VWA3B: variants seen among roughly 807,000 people sequenced by gnomAD.
The protein encoded by VWA3B is von Willebrand factor A domain-containing protein 3B.
Under a neutral mutation model 158.3 loss-of-function variants are expected in VWA3B, and 138 were observed. The observed-to-expected ratio is 0.87, with a 90% confidence interval of 0.76 to 1.00. VWA3B has a LOEUF of 1.00. Ranked by LOEUF, VWA3B falls within the 50% of genes least tolerant of loss-of-function variation. The pLI is 0.00. For synonymous variants in VWA3B, 596 were observed against 587.3 expected (o/e 1.01, Z -0.21); for missense variants, 1,555 against 1,565.1 (o/e 0.99, Z 0.11).
chr2:98,280,224 G>T (rs1454628338), intron 22 of VWA3B, among the ~76,000 whole-genome samples: 1 of 152,132 alleles, frequency 6.6e-6, no homozygotes, highest in African/African-American at 2.4e-5. Context: ...AGCAATAAGG[G>T]AATATTTCCT....
intron 24 of VWA3B, among the ~76,000 whole-genome samples, chr2:98,298,441 T>TCTATTCTATTCTATTCTATTCTATG (rs1553439678): frequency 2.5e-5 from 3 of 118,512 alleles, no homozygotes; most frequent in African/African-American, 6.0e-5. Flanking sequence ...TCTATTCTAT[T>TCTATTCTATTCTATTCTATTCTATG]CTATGCCATG....
intron 24 of VWA3B, among the ~76,000 whole-genome samples, chr2:98,299,112 G>A (rs1169739096): frequency 6.6e-6 from 1 of 152,168 alleles, no homozygotes; most frequent in Non-Finnish European, 1.5e-5. Flanking sequence ...TAGGTTCCCT[G>A]CCTCAGACCC....
intron 19 of VWA3B, among the ~76,000 whole-genome samples, chr2:98,250,033 T>C (rs981652997): frequency 1.3e-5 from 2 of 152,188 alleles, no homozygotes; most frequent in Non-Finnish European, 2.9e-5. Context: ...ATTAAGGTTT[T>C]CTGAAACAGT....
intron 1 of VWA3B, among the ~76,000 whole-genome samples, chr2:98,088,910 T>C (rs1054990292): frequency 2.0e-5 from 3 of 152,000 alleles, no homozygotes; most frequent in East Asian, 1.9e-4. Context: ...TGTGTTACCA[T>C]GCCCGGCTAA....
chr2:98,236,786 T>C (rs752465990), intron 19 of VWA3B, 56 bp downstream of exon 19: 5 of 1,554,784 alleles, frequency 3.2e-6, no homozygotes, highest in South Asian at 1.2e-5. Flanking sequence ...TCTGCTCAAA[T>C]AAAAAGTAGT....
chr2:98,202,181 C>G (rs1317532229), intron 12 of VWA3B, among the ~76,000 whole-genome samples: 1 of 152,072 alleles, frequency 6.6e-6, no homozygotes, highest in Admixed American at 6.6e-5. Flanking sequence ...AATTCAATTT[C>G]TTTAACAGAT....
In VWA3B at chr2:98,133,941, T is replaced by C; in HGVS notation, c.988+2T>C. 6.2e-7 allele frequency: 1 copy of C among 1,613,526 alleles called. No homozygotes were observed. On this transcript the variant is annotated splice_donor_variant, in intron 7 of 27. Coordinates refer to ENST00000477737, the MANE Select transcript of VWA3B (RefSeq NM_144992.5). LOFTEE classifies it high-confidence loss of function. ...AACTGAAAGGAAAACTCCCTCCAGG[T>C]ACCTGGAATCCAAAAGAAGTGGTGT...
chr2:98,294,203 CAAAAAAA>C (rs751689571), intron 23 of VWA3B, among the ~76,000 whole-genome samples: 204 of 56,274 alleles, frequency 3.6e-3, no homozygotes, highest in African/African-American at 0.017. Flanking sequence ...CACACACACA[CAAAAAAA>C]AAAAAAAAAA....
chr2:98,246,370 TTTTA>T (rs1342948600), intron 19 of VWA3B, among the ~76,000 whole-genome samples: 1 of 151,920 alleles, frequency 6.6e-6, no homozygotes, highest in Non-Finnish European at 1.5e-5. Flanking sequence ...ACATTTTAAT[TTTTA>T]TTTATTTATT....
At chr2:98,209,090 G>C (rs1683270238) in intron 12 of VWA3B, among the ~76,000 whole-genome samples, 1 of 152,102 alleles carries the variant, frequency 6.6e-6, no homozygotes, top group Non-Finnish European at 1.5e-5. Context: ...GCTGTCATTT[G>C]AATTGGTGCT....
rs570943508 is a variant in VWA3B at position 98,143,925 on chromosome 2, T to A, written c.988+9986T>A. ...ACCACTATGCCTGGCTACATTTTTT[T>A]AAATTTTTTGTAGAGACTGGGGTCA... On this transcript the variant is annotated intron_variant, in intron 7 of 27. Transcript: ENST00000477737. Among the ~76,000 whole-genome samples the A allele has an allele frequency of 3.1e-4, 47 of 151,990 alleles. No homozygotes were observed. In the East Asian group the frequency reaches 3.7e-3, roughly 12 times the overall value.
intron 22 of VWA3B, among the ~76,000 whole-genome samples, chr2:98,276,074 C>A (rs1179503634): frequency 2.0e-5 from 3 of 152,150 alleles, no homozygotes; most frequent in Non-Finnish European, 1.5e-5. Flanking sequence ...CGAAAGCCAC[C>A]CTTGTCTGTT....
chr2:98,211,634 A>G (rs972515607), intron 12 of VWA3B, among the ~76,000 whole-genome samples: 1 of 152,198 alleles, frequency 6.6e-6, no homozygotes, highest in Non-Finnish European at 1.5e-5. Context: ...GCAGTAACTG[A>G]GTTAGCATCT....
intron 10 of VWA3B, among the ~76,000 whole-genome samples, chr2:98,188,660 G>A (rs777404336): frequency 4.6e-5 from 7 of 152,116 alleles, no homozygotes; most frequent in African/African-American, 9.7e-5. Flanking sequence ...ATGCTGCTGC[G>A]AATGACAGAA....
At chr2:98,218,651 A>G (rs1224067902) in intron 14 of VWA3B, among the ~76,000 whole-genome samples, 1 of 152,196 alleles carries the variant, frequency 6.6e-6, no homozygotes, top group African/African-American at 2.4e-5. Context: ...CATCCTCCAG[A>G]CTTGGCCTGT....
At chr2:98,318,152 A>C (rs1407444850), downstream of VWA3B, among the ~76,000 whole-genome samples, 1 of 152,230 alleles carries the variant, frequency 6.6e-6, no homozygotes, top group Non-Finnish European at 1.5e-5. Context: ...CCATTGTGGA[A>C]GACTGTGTGG....
intron 21 of VWA3B, among the ~76,000 whole-genome samples, chr2:98,265,042 T>C (rs534912585): frequency 6.6e-6 from 1 of 152,142 alleles, no homozygotes; most frequent in East Asian, 1.9e-4. Context: ...ATTTTTTTAT[T>C]TTTTATTTTT....
intron 12 of VWA3B, among the ~76,000 whole-genome samples, chr2:98,205,700 C>A (rs1682960076): frequency 6.6e-6 from 1 of 152,024 alleles, no homozygotes; most frequent in Admixed American, 6.6e-5. Context: ...TTGGTACATC[C>A]CACAAATTTT....
Position 98,212,064 on chromosome 2 carries a change from T to G in VWA3B, c.1836+36T>G, listed in dbSNP as rs773426337. On this transcript the variant is annotated intron_variant, in intron 13 of 27. Coordinates refer to ENST00000477737, the MANE Select transcript of VWA3B (RefSeq NM_144992.5). ...GAGCTGGGAACAAAGAGGGCCTCACTGATGCTCTGAAAGCAAATGCTGGAA... is the reference window on the plus strand; with the variant it reads ...GAGCTGGGAACAAAGAGGGCCTCACGGATGCTCTGAAAGCAAATGCTGGAA... 22 of 1,585,472 alleles carry G rather than the reference T, an allele frequency of 1.4e-5. No individual in the cohort carries two copies. In the South Asian group the frequency reaches 2.2e-4, roughly 16 times the overall value.
Sources: gnomAD v4.1 joint callset for allele counts (sites outside exome capture counted in the v4.1 genomes callset) on GRCh38, gnomAD v4.1.1 for gene constraint, MANE v1.5 for transcripts, NCBI Gene and HGNC (gene_info 2026-07-23, HGNC 2026-07-21) for gene names.